Variants in NFIA observed in about 807,000 individuals in gnomAD.
NFIA encodes nuclear factor I A.
Under a neutral mutation model 62.8 loss-of-function variants are expected in NFIA, and 8 were observed. That is an observed-to-expected ratio of 0.13 (90% CI 0.07 to 0.23). The LOEUF is 0.23. Among genes scored for constraint, NFIA ranks in the 10% least tolerant of loss-of-function variants. NFIA has a pLI of 1.00. For missense variants in NFIA, 410 were observed against 642.1 expected, an observed-to-expected ratio of 0.64 and a Z score of 3.91; for synonymous variants, 235 against 238.1, an observed-to-expected ratio of 0.99 and a Z score of 0.12.
intron 10 of NFIA, among the ~76,000 whole-genome samples, chr1:61,444,863 A>G (rs187750928): frequency 6.6e-6 from 1 of 152,332 alleles, no homozygotes; most frequent in Non-Finnish European, 1.5e-5. Context: ...GTCCACATAT[A>G]ACAGTCATGC....
At chr1:61,217,376 T>C (rs1653700416) in intron 2 of NFIA, among the ~76,000 whole-genome samples, 1 of 152,100 alleles carries the variant, frequency 6.6e-6, no homozygotes, top group African/African-American at 2.4e-5. Flanking sequence ...CCGATTAAAC[T>C]TTTCAATAGC....
At chr1:61,381,380 G>T (rs1237381287) in intron 6 of NFIA, among the ~76,000 whole-genome samples, 6 of 152,084 alleles carry the variant, frequency 3.9e-5, no homozygotes, top group Non-Finnish European at 5.9e-5. Flanking sequence ...TACAGTGAAT[G>T]TTCACCCAAA....
In NFIA at chr1:61,088,120, T is replaced by C. The variant is rs1020828246; in HGVS notation, c.28-29T>C. 1 of 1,558,516 alleles carries C rather than the reference T, an allele frequency of 6.4e-7. No homozygotes were observed. The highest frequency in any genetic ancestry group is 2.3e-5 in the East Asian group (1 of 44,408). On this transcript the variant is annotated intron_variant, in intron 1 of 10. Transcript: ENST00000403491. The surrounding 1 kb of genome is among the most constrained non-coding windows in gnomAD (Gnocchi z 4.5). The stretch of plus-strand genomic sequence containing the variant: ...TGTTTTCTTTTGTTTTCATTCTACT[T>C]ATATTTTTCTTTTTGTTCATTTTCC...
chr1:61,177,671 G>A (rs1650472816), intron 2 of NFIA, among the ~76,000 whole-genome samples: 1 of 151,842 alleles, frequency 6.6e-6, no homozygotes, highest in African/African-American at 2.4e-5. Context: ...GTGTGTGTGT[G>A]TGTGTGTGTG....
chr1:61,174,197 C>T (rs762851284), intron 2 of NFIA, among the ~76,000 whole-genome samples: 2 of 152,152 alleles, frequency 1.3e-5, no homozygotes, highest in African/African-American at 2.4e-5. Context: ...GAGAGGTCGG[C>T]GGCTAAATGT....
intron 10 of NFIA, among the ~76,000 whole-genome samples, chr1:61,439,232 A>G (rs2100571930): frequency 6.6e-6 from 1 of 152,294 alleles, no homozygotes; most frequent in East Asian, 1.9e-4. Flanking sequence ...ATCAAGACCC[A>G]GATCAATTTA....
intron 2 of NFIA, among the ~76,000 whole-genome samples, chr1:61,258,789 C>T (rs768924877): frequency 3.1e-4 from 47 of 151,894 alleles, no homozygotes; most frequent in Non-Finnish European, 5.4e-4. Flanking sequence ...AGTGGGGTGA[C>T]ATGATCATGG....
At chr1:61,300,901 A>C (rs1659464263) in intron 3 of NFIA, among the ~76,000 whole-genome samples, 1 of 152,128 alleles carries the variant, frequency 6.6e-6, no homozygotes, top group Non-Finnish European at 1.5e-5. Flanking sequence ...GGAAATACAT[A>C]AATTAAAGTA....
chr1:61,349,362 A>T (rs1483105975), intron 4 of NFIA, among the ~76,000 whole-genome samples: 1 of 152,120 alleles, frequency 6.6e-6, no homozygotes, highest in African/African-American at 2.4e-5. Flanking sequence ...AGTTGTGATT[A>T]AGGTTTATTC....
chr1:61,116,512 A>G (rs563590816), intron 2 of NFIA, among the ~76,000 whole-genome samples: 10 of 152,056 alleles, frequency 6.6e-5, no homozygotes, highest in African/African-American at 2.2e-4. Flanking sequence ...TTTTTGATGC[A>G]GTACTGCCTG....
At chr1:61,113,422 G>A (rs1302309991) in intron 2 of NFIA, among the ~76,000 whole-genome samples, 1 of 151,876 alleles carries the variant, frequency 6.6e-6, no homozygotes, top group Non-Finnish European at 1.5e-5. Context: ...GCAAAACCCA[G>A]TCTCTTCTAA....
At chr1:61,136,693 G>A (rs1008047964) in intron 2 of NFIA, among the ~76,000 whole-genome samples, 16 of 152,176 alleles carry the variant, frequency 1.1e-4, no homozygotes, top group Admixed American at 5.2e-4. Context: ...TATGCACAAA[G>A]CATTTTATGG....
At chr1:61,108,903 A>C (rs574415331) in intron 2 of NFIA, among the ~76,000 whole-genome samples, 1 of 151,784 alleles carries the variant, frequency 6.6e-6, no homozygotes, top group Admixed American at 6.6e-5. Flanking sequence ...AGTGTTTTTA[A>C]AGAATGCAGT....
chr1:61,100,199 C>T (rs1194769782), intron 2 of NFIA, among the ~76,000 whole-genome samples: 1 of 152,214 alleles, frequency 6.6e-6, no homozygotes, highest in Non-Finnish European at 1.5e-5. Flanking sequence ...TTCTTTTTTA[C>T]ATTTGAGGAT....
intron 9 of NFIA, among the ~76,000 whole-genome samples, chr1:61,407,470 T>C (rs1234868782): frequency 6.6e-6 from 1 of 152,238 alleles, no homozygotes; most frequent in East Asian, 1.9e-4. Flanking sequence ...TATTCCCTGA[T>C]GTTTTAGATA....
intron 2 of NFIA, among the ~76,000 whole-genome samples, chr1:61,158,851 C>T (rs1265737379): frequency 1.3e-5 from 2 of 152,124 alleles, no homozygotes; most frequent in Admixed American, 1.3e-4. Flanking sequence ...AGGAGCCATG[C>T]ATTTATTTTG....
chr1:61,338,342 T>C (rs779897107), intron 4 of NFIA, among the ~76,000 whole-genome samples: 10 of 152,186 alleles, frequency 6.6e-5, no homozygotes, highest in Non-Finnish European at 1.5e-4. Flanking sequence ...TGTTTGTCAA[T>C]GGAGAGTGGG....
intron 2 of NFIA, among the ~76,000 whole-genome samples, chr1:61,214,160 A>G (rs1007021460): frequency 2.6e-5 from 4 of 152,164 alleles, no homozygotes; most frequent in Non-Finnish European, 5.9e-5. Context: ...AGCCGATTAA[A>G]AGATGTAAAT....
chr1:61,266,188 A>G (rs1657150635), intron 2 of NFIA, among the ~76,000 whole-genome samples: 1 of 152,130 alleles, frequency 6.6e-6, no homozygotes, highest in Non-Finnish European at 1.5e-5. Flanking sequence ...ATTTACGACC[A>G]GAAAGTAGAC....
Sources: gnomAD v4.1 joint callset for allele counts (sites outside exome capture counted in the v4.1 genomes callset) on GRCh38, gnomAD v4.1.1 for gene constraint, Gnocchi (gnomAD v3.1) non-coding constraint, MANE v1.5 for transcripts, NCBI Gene and HGNC (gene_info 2026-07-23, HGNC 2026-07-21) for gene names.